Variants in MRPL18 observed in about 807,000 individuals in gnomAD.
MRPL18 encodes the protein large ribosomal subunit protein uL18m.
A neutral mutation model predicts 20.9 loss-of-function variants in MRPL18; 16 were observed. The observed-to-expected ratio is 0.76, with a 90% CI of 0.52 to 1.16. The LOEUF (loss-of-function observed/expected upper bound fraction) is 1.16, where lower values mean the gene tolerates loss of function less well. Ranked by LOEUF, MRPL18 falls within the 50% of genes most tolerant of loss-of-function variation. The pLI is 0.00. For synonymous variants in MRPL18, 91 were observed against 87.1 expected, an observed-to-expected ratio of 1.04 and a Z score of -0.25; for missense variants, 233 against 230.6, an observed-to-expected ratio of 1.01 and a Z score of -0.07.
intron 2 of MRPL18, among the ~76,000 whole-genome samples, chr6:159,796,658 C>T (rs924720268): frequency 6.6e-6 from 1 of 152,064 alleles, no homozygotes; most frequent in African/African-American, 2.4e-5. Context: ...GTGGCATGCA[C>T]CTGTAATGCC....
Position 159,790,666 on chromosome 6 carries a change from A to T in MRPL18, c.52+27A>T, listed in dbSNP as rs368583801. ...TAATTAGTCTTGCCCCCCTTCTCCC[A>T]GCTCACTCGCCTGGGCTTGCACAGT... On this transcript the variant is annotated intron_variant, in intron 1 of 3. Coordinates refer to ENST00000367034, the MANE Select transcript of MRPL18 (RefSeq NM_014161.5). 3.1e-6 allele frequency: 5 copies of T among 1,613,074 alleles called. No individual in the cohort carries two copies. In the East Asian group the frequency reaches 1.1e-4, roughly 36 times the overall value.
At chr6:159,792,391 C>T (rs1182207090) in intron 2 of MRPL18, among the ~76,000 whole-genome samples, 1 of 152,102 alleles carries the variant, frequency 6.6e-6, no homozygotes, top group Middle Eastern at 3.2e-3. Flanking sequence ...AAGCATCATA[C>T]CTGTATCACT....
At chr6:159,795,513 A>G (rs1458408349) in intron 2 of MRPL18, among the ~76,000 whole-genome samples, 3 of 152,182 alleles carry the variant, frequency 2.0e-5, no homozygotes, top group African/African-American at 2.4e-5. Flanking sequence ...ACAACCCTTA[A>G]TCCATTTAAC....
chr6:159,796,401 T>A (rs6930904), intron 2 of MRPL18, among the ~76,000 whole-genome samples: 116,335 of 150,234 alleles, frequency 0.77, 45,296 homozygotes, highest in South Asian at 0.85. Context: ...GATGACTTGA[T>A]CCCAGGAGGC....
intron 1 of MRPL18, 41 bp from the exon 2 acceptor site, chr6:159,790,899 C>G: frequency 6.2e-7 from 1 of 1,610,046 alleles, no homozygotes; most frequent in Non-Finnish European, 8.5e-7. Context: ...CTGTCCATAT[C>G]CGTCATTTTT....
chr6:159,793,606 G>A lies in MRPL18; in HGVS notation c.239+2480G>A, dbSNP rs551423483. Among the ~76,000 whole-genome samples, 7 of 152,220 alleles carry A rather than the reference G, an allele frequency of 4.6e-5. No individual in the cohort carries two copies. The East Asian group carries it at 1.4e-3, about 29-fold the overall frequency. On this transcript the variant is annotated intron_variant, in intron 2 of 3. Transcript: ENST00000367034. ...TTGTGGAAAAAGATTGTTGACTCCT[G>A]GTTTAACAGATTGTGATTTTTGGCC...
At position 159,790,620 on chromosome 6, in the gene MRPL18, C is replaced by T. The variant is rs1358664906; in HGVS notation, c.33C>T (p.Phe11=). The T allele has an allele frequency of 6.2e-7, 1 of 1,611,774 alleles. No individual in the cohort carries two copies. Among genetic ancestry groups the T allele is most frequent in the South Asian group, 1.1e-5 (1 of 90,918 alleles). Residue 11 remains phenylalanine, a synonymous_variant, in exon 1 of 4, where the codon TTC becomes TTT. Transcript: ENST00000367034. ...TTCGGTCGCGGTTTTGGGGGTTGTT[C>T]TCGGTTTGCAGGAACCCTGGTAATT... MALRSRFWGL[F]SVCRNPGCRF...
In MRPL18 at chr6:159,790,963, A is replaced by G. The variant is rs1488715263; in HGVS notation, c.76A>G (p.Thr26Ala). The G allele has an allele frequency of 2.5e-6, 4 of 1,614,184 alleles. No homozygotes were observed. The highest frequency in any genetic ancestry group is 2.2e-5 in the East Asian group (1 of 44,890). ...NPGCRFAALS[T>A]SSEPAAKPEV... is the part of the protein sequence containing the mutation. Reference sequence around the variant, plus strand: ...AGGGTGCAGGTTCGCAGCCCTGTCAACCAGCTCCGAGCCGGCAGCGAAACC... The same window carrying G: ...AGGGTGCAGGTTCGCAGCCCTGTCAGCCAGCTCCGAGCCGGCAGCGAAACC... Residue 26 changes from threonine (T) to alanine (A), a missense_variant, in exon 2 of 4, where the codon ACC (threonine) becomes GCC (alanine). Physicochemically the swap from Thr to Ala is moderately conservative, Grantham distance 58. Coordinates refer to ENST00000367034, the MANE Select transcript of MRPL18 (RefSeq NM_014161.5).
At chr6:159,796,315 C>CA (rs1286743494) in intron 2 of MRPL18, among the ~76,000 whole-genome samples, 1 of 151,162 alleles carries the variant, frequency 6.6e-6, no homozygotes, top group Non-Finnish European at 1.5e-5. Flanking sequence ...CCTGTCTCTA[C>CA]AAAAAAATAC....
chr6:159,796,501 T>C (rs1318451955), intron 2 of MRPL18, among the ~76,000 whole-genome samples: 1 of 148,212 alleles, frequency 6.7e-6, no homozygotes, highest in Non-Finnish European at 1.5e-5. Flanking sequence ...AAAATGGCCA[T>C]ATGAAGCTGG....
upstream of MRPL18, among the ~76,000 whole-genome samples, chr6:159,790,310 G>T (rs1483402981): frequency 6.6e-6 from 1 of 152,182 alleles, no homozygotes; most frequent in Non-Finnish European, 1.5e-5. Context: ...TAAGCAACAA[G>T]CGTGGTCTTG....
At chr6:159,792,591 T>C (rs1780928560) in intron 2 of MRPL18, among the ~76,000 whole-genome samples, 1 of 152,230 alleles carries the variant, frequency 6.6e-6, no homozygotes, top group Non-Finnish European at 1.5e-5. Context: ...TTAAATAATC[T>C]GGATCTTAAG....
In MRPL18 at chr6:159,790,618, TTC is replaced by T. The variant is rs780396761; in HGVS notation, c.34_35del (p.Ser12GlyfsTer23). MALRSRFWGL[F>X]SVCRNPGCRF... ...GCTTCGGTCGCGGTTTTGGGGGTTGTTCTCGGTTTGCAGGAACCCTGGTAATT... is the reference window on the plus strand; with the variant it reads ...GCTTCGGTCGCGGTTTTGGGGGTTGTTCGGTTTGCAGGAACCCTGGTAATT... On this transcript the variant is annotated frameshift_variant, in exon 1 of 4. Transcript: ENST00000367034. LOFTEE classifies it high-confidence loss of function. The T allele has an allele frequency of 1.9e-6, 3 of 1,613,326 alleles. No homozygotes were observed. In the Admixed American group the frequency reaches 5.0e-5, roughly 27 times the overall value.
intron 2 of MRPL18, among the ~76,000 whole-genome samples, chr6:159,793,130 A>G (rs1035056325): frequency 3.3e-5 from 5 of 152,084 alleles, no homozygotes; most frequent in African/African-American, 7.2e-5. Flanking sequence ...CTCGGCCCCA[A>G]CGCATTACTT....
intron 2 of MRPL18, among the ~76,000 whole-genome samples, chr6:159,795,281 C>CGGGTGTCAGGCTG (rs1491577460): frequency 6.6e-6 from 1 of 152,186 alleles, no homozygotes; most frequent in African/African-American, 2.4e-5. Context: ...AGACCCTTTA[C>CGGGTGTCAGGCTG]GGGTGTCAGG....
At chr6:159,791,157 C>T (rs1780883789) in intron 2 of MRPL18, 31 bp downstream of exon 2, 1 of 1,611,428 alleles carries the variant, frequency 6.2e-7, no homozygotes, top group South Asian at 1.1e-5. Context: ...TTGACAAGGG[C>T]AGTGCACCCT....
Position 159,790,485 on chromosome 6 carries a change from A to C in MRPL18, c.-103A>C. Reference sequence around the variant, plus strand: ...TGGCGTGGAGAGTTTGGGGATCTACAGCAGCCAAAGGCTTGTCCCTGACTT... The same window carrying C: ...TGGCGTGGAGAGTTTGGGGATCTACCGCAGCCAAAGGCTTGTCCCTGACTT... On this transcript the variant is annotated 5_prime_UTR_variant, in exon 1 of 4. Transcript: ENST00000367034. The C allele has an allele frequency of 6.6e-7, 1 of 1,508,080 alleles. No individual in the cohort carries two copies. The highest frequency in any genetic ancestry group is 9.2e-7 in the Non-Finnish European group (1 of 1,091,328). 93.4% of individuals were successfully genotyped at this position (1,508,080 alleles called of 1,614,324 possible).
intron 2 of MRPL18, among the ~76,000 whole-genome samples, chr6:159,793,526 G>A (rs1203555893): frequency 1.3e-5 from 2 of 152,192 alleles, no homozygotes; most frequent in East Asian, 3.9e-4. Context: ...GAGTCGAACA[G>A]TTTCAACAGA....
At chr6:159,791,681 G>T (rs961819638) in intron 2 of MRPL18, among the ~76,000 whole-genome samples, 2 of 152,260 alleles carry the variant, frequency 1.3e-5, no homozygotes, top group Middle Eastern at 3.4e-3. Flanking sequence ...GAAGAAGCCG[G>T]ATCATCTGAG....
Sources: allele counts gnomAD v4.1 joint callset (sites outside exome capture counted in the v4.1 genomes callset), GRCh38; gene constraint gnomAD v4.1.1; transcripts MANE v1.5; gene names NCBI Gene and HGNC (gene_info 2026-07-23, HGNC 2026-07-21).